PLXDC2: variants seen among roughly 807,000 people sequenced by gnomAD.
The protein encoded by PLXDC2 is plexin domain-containing protein 2.
Under a neutral mutation model 68.9 loss-of-function variants are expected in PLXDC2, and 40 were observed. The ratio of observed to expected loss-of-function variants is 0.58; its 90% CI spans 0.45 to 0.76. The LOEUF is 0.76. PLXDC2 is among the 30% of genes least tolerant of loss of function. The pLI, the probability that PLXDC2 is intolerant of heterozygous loss-of-function variation, is 0.00. For synonymous variants in PLXDC2, 243 were observed against 234.2 expected, an observed-to-expected ratio of 1.04 and a Z score of -0.34; for missense variants, 644 against 661.9, an observed-to-expected ratio of 0.97 and a Z score of 0.30.
At chr10:19,985,717 G>C (rs888407206) in intron 1 of PLXDC2, among the ~76,000 whole-genome samples, 3 of 152,162 alleles carry the variant, frequency 2.0e-5, no homozygotes, top group East Asian at 3.9e-4. Context: ...AAGTGAGCCT[G>C]ACGTGGTGAA....
At chr10:19,867,529 T>G (rs1427031136) in intron 1 of PLXDC2, among the ~76,000 whole-genome samples, 1 of 152,182 alleles carries the variant, frequency 6.6e-6, no homozygotes, top group African/African-American at 2.4e-5. Context: ...GGGCTATTTT[T>G]TAAGCTATTA....
At chr10:19,947,917 T>A (rs1311549862) in intron 1 of PLXDC2, among the ~76,000 whole-genome samples, 2 of 152,182 alleles carry the variant, frequency 1.3e-5, no homozygotes, top group Non-Finnish European at 2.9e-5. Context: ...TCAAAGCTTC[T>A]GAAATTGAAC....
chr10:19,861,816 C>A (rs78228108), intron 1 of PLXDC2, among the ~76,000 whole-genome samples: 8,463 of 152,226 alleles, frequency 0.056, 767 homozygotes, highest in African/African-American at 0.19. Flanking sequence ...TGGCTTCATG[C>A]TAATATCTCC....
At chr10:19,921,417 A>G (rs191216917) in intron 1 of PLXDC2, among the ~76,000 whole-genome samples, 12 of 152,252 alleles carry the variant, frequency 7.9e-5, no homozygotes, top group Non-Finnish European at 1.5e-4. Context: ...CTCGTAACTA[A>G]TAATGAGAAC....
rs377635401 is a variant in PLXDC2, at chr10:20,154,123, G to C, written c.783+6221G>C. Among the ~76,000 whole-genome samples the C allele has an allele frequency of 3.3e-5, 5 of 151,976 alleles. No individual in the cohort carries two copies. In the East Asian group the frequency reaches 7.7e-4, roughly 23 times the overall value. On this transcript the variant is annotated intron_variant, in intron 6 of 13. Coordinates refer to ENST00000377252, the MANE Select transcript of PLXDC2 (RefSeq NM_032812.9). ...AAACTCTCATTTTCCTATTCTATTA[G>C]TAATTAGCTATAACCCTAAATCTCA... is the stretch of plus-strand genomic sequence containing the variant.
chr10:19,981,439 A>G (rs1159341480), intron 1 of PLXDC2, among the ~76,000 whole-genome samples: 1 of 152,192 alleles, frequency 6.6e-6, no homozygotes, highest in Non-Finnish European at 1.5e-5. Context: ...CAGTTTACGT[A>G]GTTTGAAGTG....
At chr10:20,178,500 G>A (rs4748641) in intron 9 of PLXDC2, among the ~76,000 whole-genome samples, 139,669 of 152,118 alleles carry the variant, frequency 0.92, 64,221 homozygotes, top group Non-Finnish European at 0.95. Context: ...TCTCACCTTC[G>A]GAGTCTATGA....
chr10:20,191,712 C>T lies in PLXDC2; in HGVS notation c.1061+14303C>T, dbSNP rs137954789. Reference sequence around the variant, plus strand: ...AGGAGATACACCTAATGTTAAATGACGAGTTAATGGGTGCAGCACACCAAC... The same window carrying T: ...AGGAGATACACCTAATGTTAAATGATGAGTTAATGGGTGCAGCACACCAAC... On this transcript the variant is annotated intron_variant, in intron 9 of 13. Transcript: ENST00000377252. 7.0e-3 allele frequency among the ~76,000 whole-genome samples: 1,064 copies of T among 151,842 alleles called. 13 individuals are homozygous for T. The highest frequency in any genetic ancestry group is 0.024 in the African/African-American group (999 of 41,418).
At chr10:20,123,704 G>T (rs942161594) in intron 4 of PLXDC2, among the ~76,000 whole-genome samples, 1 of 151,484 alleles carries the variant, frequency 6.6e-6, no homozygotes, top group Admixed American at 6.6e-5. Context: ...GGGTTCGGGG[G>T]TTCTTACCCT....
At chr10:20,120,573 C>G (rs1425518891) in intron 4 of PLXDC2, among the ~76,000 whole-genome samples, 4 of 152,102 alleles carry the variant, frequency 2.6e-5, no homozygotes, top group Non-Finnish European at 4.4e-5. Flanking sequence ...ACTGCGGTGG[C>G]CTTCTCAGAC....
At chr10:20,161,324 A>G (rs1377723990) in intron 6 of PLXDC2, among the ~76,000 whole-genome samples, 5 of 132,284 alleles carry the variant, frequency 3.8e-5, no homozygotes, top group Non-Finnish European at 8.4e-5. Flanking sequence ...GCAAAAAAAT[A>G]AAAATTAAAA....
At chr10:19,990,754 A>C (rs562370654) in intron 1 of PLXDC2, among the ~76,000 whole-genome samples, 1 of 152,192 alleles carries the variant, frequency 6.6e-6, no homozygotes, top group Admixed American at 6.5e-5. Context: ...AATATATGCA[A>C]TCATGCAATT....
At chr10:19,934,851 T>C (rs1297521470) in intron 1 of PLXDC2, among the ~76,000 whole-genome samples, 1 of 152,196 alleles carries the variant, frequency 6.6e-6, no homozygotes, top group East Asian at 1.9e-4. Context: ...GTTCCTTTTG[T>C]GTTTCTTTCA....
chr10:20,106,095 G>A (rs75387062), intron 4 of PLXDC2, among the ~76,000 whole-genome samples: 253 of 152,312 alleles, frequency 1.7e-3, no homozygotes, highest in African/African-American at 5.8e-3. Context: ...AGCTATGTAA[G>A]GAATTGGATG....
intron 1 of PLXDC2, among the ~76,000 whole-genome samples, chr10:19,908,444 A>G (rs997391728): frequency 2.0e-5 from 3 of 150,764 alleles, no homozygotes; most frequent in African/African-American, 7.2e-5. Context: ...AAGATAATGT[A>G]CTGCTGAAAG....
At chr10:19,892,790 G>A (rs924521888) in intron 1 of PLXDC2, among the ~76,000 whole-genome samples, 9 of 152,018 alleles carry the variant, frequency 5.9e-5, no homozygotes, top group Non-Finnish European at 8.8e-5. Flanking sequence ...CTGCTGGGCC[G>A]GCACAACAAT....
At chr10:20,265,107 AAAGGATGGAAAATGTCAGCC>A (rs1329392668) in intron 13 of PLXDC2, among the ~76,000 whole-genome samples, 1 of 152,226 alleles carries the variant, frequency 6.6e-6, no homozygotes, top group Non-Finnish European at 1.5e-5. Context: ...TAACCATGTG[AAAGGATGGAAAATGTCAGCC>A]AAGAATTTAT....
chr10:20,217,679 T>A lies in PLXDC2; in HGVS notation c.1273+103T>A. On this transcript the variant is annotated intron_variant, in intron 11 of 13. Coordinates refer to ENST00000377252, the MANE Select transcript of PLXDC2 (RefSeq NM_032812.9). Reference sequence around the variant, plus strand: ...ACATGTACTGGAATAGCTCCTACTCTCTAGGTCTCTCTAAAGTTATTCTTT... The same window carrying A: ...ACATGTACTGGAATAGCTCCTACTCACTAGGTCTCTCTAAAGTTATTCTTT... 10 of 1,286,056 alleles carry A rather than the reference T, an allele frequency of 7.8e-6. No individual in the cohort carries two copies. In the African/African-American group the frequency reaches 1.2e-4, roughly 16 times the overall value. The allele number at this position is 1,286,056 out of a possible 1,614,324, so 79.7% of individuals were successfully genotyped here. A position where few individuals can be genotyped will look rare whatever the true frequency, so the allele number is the denominator to read the frequency against.
At chr10:20,054,404 G>T (rs1835958899) in intron 3 of PLXDC2, among the ~76,000 whole-genome samples, 1 of 151,946 alleles carries the variant, frequency 6.6e-6, no homozygotes, top group Admixed American at 6.6e-5. Flanking sequence ...AATATGGATG[G>T]ATGGATGGAT....
Sources: allele counts gnomAD v4.1 joint callset (sites outside exome capture counted in the v4.1 genomes callset), GRCh38; gene constraint gnomAD v4.1.1; transcripts MANE v1.5; gene names NCBI Gene and HGNC (gene_info 2026-07-23, HGNC 2026-07-21).